The following PTGER3 variants were observed in gnomAD, a reference collection of about 807,000 sequenced individuals.
The protein encoded by PTGER3 is prostaglandin E receptor 3.
PTGER3 carries 22 observed loss-of-function variants against 34.7 expected under a neutral mutation model. The observed-to-expected ratio is 0.63, with a 90% CI of 0.45 to 0.91. The LOEUF (loss-of-function observed/expected upper bound fraction) is 0.91, where lower values mean the gene tolerates loss of function less well. Ranked by LOEUF, PTGER3 falls within the 40% of genes least tolerant of loss-of-function variation. The pLI is 0.00. For missense variants in PTGER3, 468 were observed against 519.4 expected (o/e 0.90, Z 0.96); for synonymous variants, 241 against 230.1 (o/e 1.05, Z -0.43).
chr1:70,873,626 TCTTTAGTGGCGATATGTGAGGTG>T (rs1320501272), intron 4 of PTGER3, among the ~76,000 whole-genome samples: 6 of 151,802 alleles, frequency 4.0e-5, no homozygotes, highest in Non-Finnish European at 8.8e-5. Context: ...ATGAGTAAGT[TCTTTAGTGGCGATATGTGAGGTG>T]CTTTTTTTTT....
chr1:70,924,555 T>C (rs1374300932), intron 4 of PTGER3, among the ~76,000 whole-genome samples: 1 of 152,144 alleles, frequency 6.6e-6, no homozygotes, highest in Non-Finnish European at 1.5e-5. Context: ...TAGAATCAGC[T>C]AACAGTCCCA....
intron 2 of PTGER3, among the ~76,000 whole-genome samples, chr1:70,990,901 C>A (rs1034340979): frequency 1.3e-5 from 2 of 152,124 alleles, no homozygotes; most frequent in Admixed American, 1.3e-4. Context: ...ATGAAAAATG[C>A]TACAATTCCG....
chr1:70,862,065 G>A (rs992477063), intron 4 of PTGER3, among the ~76,000 whole-genome samples: 1 of 151,896 alleles, frequency 6.6e-6, no homozygotes, highest in Non-Finnish European at 1.5e-5. Context: ...TGTTGTGAAA[G>A]CCCCATTAAT....
At chr1:70,971,879 G>A in intron 3 of PTGER3, 146 bp from the exon 4 acceptor site, 1 of 537,568 alleles carries the variant, frequency 1.9e-6, no homozygotes, top group East Asian at 3.1e-5. Flanking sequence ...GTAATTACAT[G>A]TGTTTTAGAT....
At chr1:70,959,601 T>G (rs1175022468) in intron 2 of PTGER3, among the ~76,000 whole-genome samples, 1 of 152,160 alleles carries the variant, frequency 6.6e-6, no homozygotes, top group African/African-American at 2.4e-5. Context: ...CCTCGAATGA[T>G]CCGTCTGCCA....
chr1:70,871,871 G>A (rs1408012535), intron 4 of PTGER3, among the ~76,000 whole-genome samples: 2 of 152,148 alleles, frequency 1.3e-5, no homozygotes, highest in East Asian at 1.9e-4. Flanking sequence ...TTTTCAAGGT[G>A]CTATTTTAGC....
chr1:71,000,350 G>C (rs770542723), intron 2 of PTGER3, among the ~76,000 whole-genome samples: 1 of 152,168 alleles, frequency 6.6e-6, no homozygotes, highest in Non-Finnish European at 1.5e-5. Flanking sequence ...ATTGACATGA[G>C]AATTTGATAA....
intron 4 of PTGER3, among the ~76,000 whole-genome samples, chr1:70,913,332 A>G (rs1572630483): frequency 6.6e-6 from 1 of 151,982 alleles, no homozygotes. Flanking sequence ...ATTGACTTGT[A>G]AATTTTAACC....
At chr1:71,001,110 T>A (rs142444080) in intron 2 of PTGER3, among the ~76,000 whole-genome samples, 87 of 152,298 alleles carry the variant, frequency 5.7e-4, no homozygotes, top group African/African-American at 1.9e-3. Flanking sequence ...GAATGGGGAC[T>A]GTGGGTTTCA....
chr1:70,955,472 C>T (rs182131044), intron 2 of PTGER3, among the ~76,000 whole-genome samples: 28 of 151,498 alleles, frequency 1.8e-4, no homozygotes, highest in East Asian at 5.8e-4. Flanking sequence ...AGAGAGAAAG[C>T]GAGAAACAGA....
chr1:70,958,691 ATTTGTCTATT>A (rs993493983), intron 2 of PTGER3, among the ~76,000 whole-genome samples: 2 of 151,962 alleles, frequency 1.3e-5, no homozygotes, highest in Admixed American at 1.3e-4. Context: ...ATGTAATCTC[ATTTGTCTATT>A]TTAGCTTTTG....
At chr1:71,022,779 G>C (rs1658543168) in intron 1 of PTGER3, among the ~76,000 whole-genome samples, 1 of 151,308 alleles carries the variant, frequency 6.6e-6, no homozygotes, top group African/African-American at 2.4e-5. Context: ...AATCTGTTTA[G>C]GGGGCTTCCC....
chr1:70,991,405 TC>T (rs1655467579), intron 2 of PTGER3, among the ~76,000 whole-genome samples: 1 of 152,200 alleles, frequency 6.6e-6, no homozygotes, highest in Non-Finnish European at 1.5e-5. Flanking sequence ...CTGCTTTCTT[TC>T]TTTAATTTTC....
At chr1:70,886,125 GA>G (rs1646494044) in intron 4 of PTGER3, among the ~76,000 whole-genome samples, 1 of 152,186 alleles carries the variant, frequency 6.6e-6, no homozygotes, top group Admixed American at 6.5e-5. Flanking sequence ...AGCTTTGGGA[GA>G]TAACTGGGTC....
intron 4 of PTGER3, among the ~76,000 whole-genome samples, chr1:70,880,698 G>GAA (rs200294042): frequency 6.3e-5 from 8 of 127,704 alleles, no homozygotes; most frequent in South Asian, 2.6e-4. Flanking sequence ...AAAAAAAAAA[G>GAA]AAAAAAAAAA....
chr1:70,866,605 A>C lies in PTGER3; in HGVS notation c.*24-13746T>G, dbSNP rs192473479. ...TTCGATTGAAAGACCAATGTCTTGA[A>C]GATCTGTGGCTCCAGCAGTTATCAC... On this transcript the variant is annotated intron_variant, in intron 4 of 4. Transcript: ENST00000370931. Among the ~76,000 whole-genome samples, 576 of 152,312 alleles carry C rather than the reference A, an allele frequency of 3.8e-3. 5 individuals are homozygous for C. The highest frequency in any genetic ancestry group is 0.013 in the African/African-American group (542 of 41,568).
intron 1 of PTGER3, among the ~76,000 whole-genome samples, chr1:71,045,064 T>C (rs1316485864): frequency 2.6e-5 from 4 of 152,174 alleles, no homozygotes; most frequent in African/African-American, 7.2e-5. Context: ...TGATAAGCCA[T>C]AGTGATGACA....
rs181506481 is a variant in PTGER3, at chr1:70,886,986, T to A, written c.*24-34127A>T. Among the ~76,000 whole-genome samples the A allele has an allele frequency of 4.4e-3, 677 of 152,232 alleles. 4 individuals are homozygous for A. The highest frequency in any genetic ancestry group is 0.016 in the African/African-American group (653 of 41,510). On this transcript the variant is annotated intron_variant, in intron 4 of 4. Transcript: ENST00000370931. Reference sequence around the variant, plus strand: ...AGAATAAGTTGCAACATAGGGGATGTGAGAAGGAGGGTCCTGAAGATGAAA... The same window carrying A: ...AGAATAAGTTGCAACATAGGGGATGAGAGAAGGAGGGTCCTGAAGATGAAA...
chr1:70,945,138 C>A (rs1193923756), intron 4 of PTGER3, among the ~76,000 whole-genome samples: 2 of 152,100 alleles, frequency 1.3e-5, no homozygotes, highest in Non-Finnish European at 2.9e-5. Context: ...CTTAATTTCC[C>A]TACTGTTATA....
Sources: allele counts gnomAD v4.1 joint callset (sites outside exome capture counted in the v4.1 genomes callset), GRCh38; gene constraint gnomAD v4.1.1; transcripts MANE v1.5; gene names NCBI Gene and HGNC (gene_info 2026-07-23, HGNC 2026-07-21).